Variants in DYM observed in about 807,000 individuals in gnomAD.
The protein encoded by DYM is dyggve-Melchior-Clausen syndrome protein.
Under a neutral mutation model 93.1 loss-of-function variants are expected in DYM, and 78 were observed. That is an observed-to-expected ratio of 0.84 (90% CI 0.70 to 1.01). The LOEUF is 1.01. Ranked by LOEUF, DYM falls within the 50% of genes least tolerant of loss-of-function variation. The pLI is 0.00. For synonymous variants in DYM, 321 were observed against 319.7 expected (o/e 1.00, Z -0.04); for missense variants, 789 against 845.0 (o/e 0.93, Z 0.82).
intron 16 of DYM, among the ~76,000 whole-genome samples, chr18:49,104,675 G>A (rs2080580850): frequency 6.6e-6 from 1 of 152,130 alleles, no homozygotes; most frequent in African/African-American, 2.4e-5. Context: ...TAATCATATG[G>A]TTTTTGTCAT....
At chr18:49,257,253 C>T in intron 12 of DYM, 149 bp from the exon 13 acceptor site, 1 of 677,652 alleles carries the variant, frequency 1.5e-6, no homozygotes, top group Non-Finnish European at 2.6e-6. Flanking sequence ...ATTCCTAAAT[C>T]CATAAAGCAC....
At chr18:49,106,413 T>C (rs2080816393) in intron 16 of DYM, among the ~76,000 whole-genome samples, 2 of 152,180 alleles carry the variant, frequency 1.3e-5, no homozygotes, top group Admixed American at 1.3e-4. Context: ...ACATTTAAGG[T>C]TAATATTGTT....
At chr18:49,419,231 G>T (rs759731657) in intron 2 of DYM, among the ~76,000 whole-genome samples, 2 of 152,026 alleles carry the variant, frequency 1.3e-5, no homozygotes, top group Non-Finnish European at 2.9e-5. Context: ...GTGATGGCAG[G>T]CACCTGTAAT....
At chr18:49,235,118 C>G (rs781476358) in intron 13 of DYM, among the ~76,000 whole-genome samples, 4 of 152,308 alleles carry the variant, frequency 2.6e-5, no homozygotes, top group East Asian at 1.9e-4. Context: ...CCAGCAGAGC[C>G]AAGTCAGATT....
intron 2 of DYM, among the ~76,000 whole-genome samples, chr18:49,419,913 A>T (rs914853077): frequency 6.6e-6 from 1 of 152,164 alleles, no homozygotes; most frequent in African/African-American, 2.4e-5. Context: ...CATGCTCTCC[A>T]TTTCGCCCTC....
chr18:49,269,660 T>G (rs1218455287), intron 11 of DYM, among the ~76,000 whole-genome samples: 1 of 152,228 alleles, frequency 6.6e-6, no homozygotes, highest in Non-Finnish European at 1.5e-5. Flanking sequence ...AGGTCCCAGA[T>G]GATTATTACA....
At chr18:49,427,795 A>C (rs1488608829) in intron 2 of DYM, among the ~76,000 whole-genome samples, 1 of 152,196 alleles carries the variant, frequency 6.6e-6, no homozygotes, top group Non-Finnish European at 1.5e-5. Flanking sequence ...AATAAAAAGG[A>C]ATGGAGGCTG....
At chr18:49,078,532 T>C (rs910321918) in intron 17 of DYM, among the ~76,000 whole-genome samples, 1 of 152,120 alleles carries the variant, frequency 6.6e-6, no homozygotes, top group African/African-American at 2.4e-5. Context: ...ACCAATGTGA[T>C]AATTTTGGTT....
At position 49,157,084 on chromosome 18, in the gene DYM, G is replaced by C. The variant is rs372614131; in HGVS notation, c.1728+6601C>G. ...ACATGCCTGACCTTGGGAATTCCAA[G>C]GTCAGGAAGCACCCTGGGAAGAGGG... On this transcript the variant is annotated intron_variant, in intron 15 of 17. Transcript: ENST00000675505. 5.3e-5 allele frequency among the ~76,000 whole-genome samples: 8 copies of C among 152,180 alleles called. No homozygotes were observed. In the East Asian group the frequency reaches 5.8e-4, roughly 11 times the overall value.
chr18:49,180,227 T>C (rs1206530766), intron 14 of DYM, among the ~76,000 whole-genome samples: 2 of 152,120 alleles, frequency 1.3e-5, no homozygotes, highest in African/African-American at 4.8e-5. Flanking sequence ...ATAAGAGATA[T>C]AAATTATTAT....
intron 8 of DYM, among the ~76,000 whole-genome samples, chr18:49,318,926 G>A (rs1321353509): frequency 1.3e-4 from 19 of 146,124 alleles, no homozygotes; most frequent in Admixed American, 2.1e-4. Context: ...TCAGCCTCCC[G>A]AGTAGCTAGG....
At chr18:49,070,526 C>T (rs1173875775) in intron 17 of DYM, among the ~76,000 whole-genome samples, 1 of 152,334 alleles carries the variant, frequency 6.6e-6, no homozygotes, top group South Asian at 2.1e-4. Context: ...TCAAAGTCCT[C>T]TGAGTGTGAA....
intron 14 of DYM, among the ~76,000 whole-genome samples, chr18:49,175,857 T>C (rs2089314732): frequency 6.6e-6 from 1 of 152,174 alleles, no homozygotes. Context: ...CAAAGAAATA[T>C]ATGTGTGATA....
chr18:49,308,429 A>G (rs980534508), intron 8 of DYM, among the ~76,000 whole-genome samples: 1 of 152,180 alleles, frequency 6.6e-6, no homozygotes, highest in Non-Finnish European at 1.5e-5. Flanking sequence ...TGAATCAACA[A>G]AAGAAAAGAT....
chr18:49,175,647 C>A (rs2089291771), intron 14 of DYM, among the ~76,000 whole-genome samples: 1 of 152,160 alleles, frequency 6.6e-6, no homozygotes, highest in Non-Finnish European at 1.5e-5. Flanking sequence ...AGCTTGCTGA[C>A]TGTCAAGTAA....
chr18:49,392,597 A>C (rs897099671), intron 2 of DYM, among the ~76,000 whole-genome samples: 6 of 151,262 alleles, frequency 4.0e-5, no homozygotes, highest in African/African-American at 1.5e-4. Context: ...AGTACATGAA[A>C]ACATGCTCAA....
chr18:49,117,554 A>G (rs867111628), intron 16 of DYM, among the ~76,000 whole-genome samples: 1 of 152,130 alleles, frequency 6.6e-6, no homozygotes, highest in African/African-American at 2.4e-5. Flanking sequence ...TTATTAATAT[A>G]TATTTTATTG....
At position 49,452,851 on chromosome 18, in the gene DYM, T is replaced by C. The variant is rs574117818; in HGVS notation, c.-54+7547A>G. The stretch of plus-strand genomic sequence containing the variant: ...CTAGTGGGGACTTGGAGAACCTTTA[T>C]GTCTAGCTAAGGGATTGCAGATACA... On this transcript the variant is annotated intron_variant, in intron 1 of 17. Coordinates refer to ENST00000675505, the MANE Select transcript of DYM (RefSeq NM_001353214.3). Among the ~76,000 whole-genome samples the C allele has an allele frequency of 1.3e-4, 17 of 134,484 alleles. 1 individual carries two copies. The South Asian group carries it at 2.3e-3, about 18-fold the overall frequency. 88.2% of individuals were successfully genotyped at this position (134,484 alleles called of 152,430 possible). A position where few individuals can be genotyped will look rare whatever the true frequency, so the allele number is the denominator to read the frequency against.
chr18:49,106,029 T>A (rs1001923791), intron 16 of DYM, among the ~76,000 whole-genome samples: 7 of 152,190 alleles, frequency 4.6e-5, no homozygotes, highest in Non-Finnish European at 8.8e-5. Context: ...CCCATTATTA[T>A]TGTGTGGGAG....
Sources: allele counts gnomAD v4.1 joint callset (sites outside exome capture counted in the v4.1 genomes callset), GRCh38; gene constraint gnomAD v4.1.1; transcripts MANE v1.5; gene names NCBI Gene and HGNC (gene_info 2026-07-23, HGNC 2026-07-21).